The following LRRIQ3 variants were observed in gnomAD, a reference collection of about 807,000 sequenced individuals.
The protein encoded by LRRIQ3 is leucine rich repeats and IQ motif containing 3, also known as leucine-rich repeat and IQ domain-containing protein 3.
In LRRIQ3, 75 loss-of-function variants were observed where a neutral mutation model predicts 59.3. The ratio of observed to expected loss-of-function variants is 1.26; its 90% CI spans 1.05 to 1.53. LRRIQ3 has a LOEUF of 1.53. Ranked by LOEUF, LRRIQ3 falls within the 40% of genes most tolerant of loss-of-function variation. The pLI, the probability that LRRIQ3 is intolerant of heterozygous loss-of-function variation, is 0.00. For synonymous variants in LRRIQ3, 250 were observed against 231.3 expected (o/e 1.08, Z -0.73); for missense variants, 831 against 710.0 (o/e 1.17, Z -1.94).
At chr1:74,152,504 T>C (rs1319890788) in intron 4 of LRRIQ3, among the ~76,000 whole-genome samples, 2 of 152,130 alleles carry the variant, frequency 1.3e-5, no homozygotes, top group Non-Finnish European at 2.9e-5. Flanking sequence ...GTGTATATTG[T>C]AGGATTAAGC....
intron 7 of LRRIQ3, among the ~76,000 whole-genome samples, chr1:74,032,385 T>C (rs1439379372): frequency 6.6e-6 from 1 of 151,926 alleles, no homozygotes; most frequent in Non-Finnish European, 1.5e-5. Flanking sequence ...CCAGGCACAT[T>C]GTGGCTAGTT....
chr1:74,112,727 T>C (rs1181199412), intron 4 of LRRIQ3, among the ~76,000 whole-genome samples: 1 of 152,152 alleles, frequency 6.6e-6, no homozygotes, highest in East Asian at 1.9e-4. Flanking sequence ...CTATAGCTGG[T>C]GCACGCTCTG....
chr1:74,074,471 A>C (rs1208834166), intron 6 of LRRIQ3, among the ~76,000 whole-genome samples, 190 bp downstream of exon 6: 1 of 152,026 alleles, frequency 6.6e-6, no homozygotes, highest in Non-Finnish European at 1.5e-5. Flanking sequence ...TTATACACGG[A>C]TTACATGTAC....
At position 74,026,952 on chromosome 1, in the gene LRRIQ3, T is replaced by C; in HGVS notation, c.1736A>G (p.Lys579Arg). 1.3e-6 allele frequency: 2 copies of C among 1,565,804 alleles called. No homozygotes were observed. Among genetic ancestry groups the C allele is most frequent in the Non-Finnish European group, 8.7e-7 (1 of 1,148,150 alleles). ...MKKVRSQEIY[K>R]RHCEEKFVMD... is the part of the protein sequence containing the mutation. ...AACAAATTTTTCTTCACAATGTCTTTTATATATTTCTTGAGATCTAAGAGG... is the reference window on the plus strand; with the variant it reads ...AACAAATTTTTCTTCACAATGTCTTCTATATATTTCTTGAGATCTAAGAGG... Residue 579 changes from lysine to arginine, a missense_variant, in exon 8 of 8, where the codon AAA (lysine) becomes AGA (arginine). Physicochemically the swap from Lys to Arg is conservative, Grantham distance 26. Transcript: ENST00000354431.
At chr1:74,176,460 G>A (rs937949360) in intron 3 of LRRIQ3, among the ~76,000 whole-genome samples, 11 of 152,004 alleles carry the variant, frequency 7.2e-5, no homozygotes, top group African/African-American at 2.4e-4. Flanking sequence ...CTGATTTGGG[G>A]TTTTCTCAGC....
chr1:74,047,043 G>A (rs750436248), intron 6 of LRRIQ3, among the ~76,000 whole-genome samples: 21 of 152,228 alleles, frequency 1.4e-4, no homozygotes, highest in Non-Finnish European at 2.2e-4. Flanking sequence ...ACAGTGTGGC[G>A]ATTCCTCCAG....
At chr1:74,170,556 T>A (rs1207341004) in intron 3 of LRRIQ3, among the ~76,000 whole-genome samples, 1 of 152,218 alleles carries the variant, frequency 6.6e-6, no homozygotes, top group Non-Finnish European at 1.5e-5. Flanking sequence ...TACACTGTTT[T>A]AATTACTATA....
At chr1:74,147,897 CT>C (rs1297704532) in intron 4 of LRRIQ3, among the ~76,000 whole-genome samples, 1 of 152,140 alleles carries the variant, frequency 6.6e-6, no homozygotes, top group East Asian at 1.9e-4. Flanking sequence ...TCCATCTCTT[CT>C]CCTTCTGGGT....
rs1223675201 is a variant in LRRIQ3, at chr1:74,054,754, ATATC to A, written c.998-12825_998-12822del. ...AGAAAACACAAATATATATATATATATATCTATATATCTACATACACATACATAT... is the reference window on the plus strand; with the variant it reads ...AGAAAACACAAATATATATATATATATATATATCTACATACACATACATAT... On this transcript the variant is annotated intron_variant, in intron 6 of 7. Transcript: ENST00000354431. Among the ~76,000 whole-genome samples the A allele has an allele frequency of 2.9e-3, 424 of 145,812 alleles. 1 individual carries two copies. The highest frequency in any genetic ancestry group is 9.0e-3 in the African/African-American group (364 of 40,234).
intron 5 of LRRIQ3, chr1:74,095,003 G>A (rs559876663): frequency 1.3e-5 from 2 of 152,162 alleles, no homozygotes; most frequent in African/African-American, 4.8e-5. Flanking sequence ...GCCTCTTGTA[G>A]CTATGAGCCC....
At chr1:74,042,241 A>T (rs532190347) in intron 6 of LRRIQ3, among the ~76,000 whole-genome samples, 1 of 152,150 alleles carries the variant, frequency 6.6e-6, no homozygotes, top group African/African-American at 2.4e-5. Context: ...TTAACCACAC[A>T]TATTATTTTT....
At chr1:74,032,139 T>C (rs1292464436) in intron 7 of LRRIQ3, among the ~76,000 whole-genome samples, 1 of 151,996 alleles carries the variant, frequency 6.6e-6, no homozygotes, top group Non-Finnish European at 1.5e-5. Flanking sequence ...ACATTTGTTT[T>C]AAATATATAT....
At chr1:74,141,821 T>C (rs1647267981) in intron 4 of LRRIQ3, among the ~76,000 whole-genome samples, 1 of 151,852 alleles carries the variant, frequency 6.6e-6, no homozygotes. Flanking sequence ...CCTAGTCCAC[T>C]TTTGTTTTCC....
At chr1:74,194,350 G>C (rs12758313) in intron 1 of LRRIQ3, among the ~76,000 whole-genome samples, 2,986 of 152,246 alleles carry the variant, frequency 0.02, 39 homozygotes, top group Middle Eastern at 0.044. Flanking sequence ...AATGAACACA[G>C]AATATAGTGC....
At chr1:74,197,407 T>C (rs1188912851) in intron 1 of LRRIQ3, among the ~76,000 whole-genome samples, 2 of 152,218 alleles carry the variant, frequency 1.3e-5, no homozygotes, top group African/African-American at 4.8e-5. Context: ...CTGATTCAGT[T>C]TTCTTCTGTG....
intron 6 of LRRIQ3, among the ~76,000 whole-genome samples, chr1:74,070,905 T>G (rs1655006331): frequency 6.6e-6 from 1 of 151,432 alleles, no homozygotes; most frequent in Non-Finnish European, 1.5e-5. Flanking sequence ...ATTATATTTT[T>G]CAGGAGAAAG....
intron 6 of LRRIQ3, among the ~76,000 whole-genome samples, chr1:74,064,444 GAAGA>G (rs1468517092): frequency 6.6e-6 from 1 of 151,996 alleles, no homozygotes; most frequent in Non-Finnish European, 1.5e-5. Flanking sequence ...GAGAAAAGGA[GAAGA>G]AAGGTGCAAT....
chr1:74,062,779 A>T (rs1192148152), intron 6 of LRRIQ3, among the ~76,000 whole-genome samples: 1 of 152,046 alleles, frequency 6.6e-6, no homozygotes, highest in African/African-American at 2.4e-5. Context: ...GGAGCTAAAC[A>T]TCAAGTATAT....
chr1:74,163,116 T>A (rs1477178637), intron 3 of LRRIQ3, among the ~76,000 whole-genome samples: 3 of 151,590 alleles, frequency 2.0e-5, no homozygotes, highest in Non-Finnish European at 4.4e-5. Flanking sequence ...ATATGTACAA[T>A]TATATCAGTT....
Sources: allele counts gnomAD v4.1 joint callset (sites outside exome capture counted in the v4.1 genomes callset), GRCh38; gene constraint gnomAD v4.1.1; transcripts MANE v1.5; gene names NCBI Gene and HGNC (gene_info 2026-07-23, HGNC 2026-07-21).